The following MIGA1 variants were observed in gnomAD, a reference collection of about 807,000 sequenced individuals.
MIGA1 encodes the protein mitoguardin 1.
A neutral mutation model predicts 82.0 loss-of-function variants in MIGA1; 58 were observed. The observed-to-expected ratio is 0.71, with a 90% CI of 0.57 to 0.88. MIGA1 has a LOEUF of 0.88. MIGA1 is among the 40% of genes least tolerant of loss of function. The probability of loss-of-function intolerance (pLI) is 0.00; values close to 1 mark genes in which losing one functional copy is unlikely to be tolerated. For synonymous variants in MIGA1, 249 were observed against 253.6 expected, an observed-to-expected ratio of 0.98 and a Z score of 0.17; for missense variants, 751 against 749.1, an observed-to-expected ratio of 1.00 and a Z score of -0.03.
intron 7 of MIGA1, among the ~76,000 whole-genome samples, chr1:77,831,830 T>C (rs1307973396): frequency 6.6e-6 from 1 of 152,184 alleles, no homozygotes; most frequent in African/African-American, 2.4e-5. Flanking sequence ...GGAGGATCGC[T>C]TAAGCCCAGG....
In MIGA1 at chr1:77,873,015, A is replaced by AT. The variant is rs1557941725; in HGVS notation, c.1581dup (p.Ala528CysfsTer8). 1 of 1,613,910 alleles carries AT rather than the reference A, an allele frequency of 6.2e-7. No homozygotes were observed. Among genetic ancestry groups the AT allele is most frequent in the Non-Finnish European group, 8.5e-7 (1 of 1,179,996 alleles). On this transcript the variant is annotated frameshift_variant, in exon 15 of 16. Transcript: ENST00000370791. LOFTEE classifies it high-confidence loss of function. Reference sequence around the variant, plus strand: ...TTACTTCCCAGCAGATCCCAGATGGATTTTTTGCCCATTTTTATGCCATTT... The same window carrying AT: ...TTACTTCCCAGCAGATCCCAGATGGATTTTTTTGCCCATTTTTATGCCATTT...
intron 14 of MIGA1, among the ~76,000 whole-genome samples, chr1:77,869,445 A>G (rs1400825168): frequency 1.7e-4 from 25 of 144,104 alleles, no homozygotes; most frequent in South Asian, 7.0e-4. Context: ...CCCATCCCCA[A>G]TGAGCCGCTG....
At chr1:77,782,944 A>G in intron 1 of MIGA1, 7 of 869,558 alleles carry the variant, frequency 8.1e-6, no homozygotes, top group Non-Finnish European at 9.7e-6. Flanking sequence ...AAAAGAGAGA[A>G]TCTAGAACTC....
chr1:77,860,412 C>G (rs1426096269), intron 11 of MIGA1: 27 of 277,490 alleles, frequency 9.7e-5, no homozygotes, highest in Non-Finnish European at 7.3e-5. Context: ...ACTAATGCCT[C>G]CTCTTTTATT....
intron 7 of MIGA1, among the ~76,000 whole-genome samples, chr1:77,839,185 TGA>T (rs1684536713): frequency 6.6e-6 from 1 of 152,082 alleles, no homozygotes; most frequent in Non-Finnish European, 1.5e-5. Flanking sequence ...CAGTGGTGTG[TGA>T]GAGTTTCCAC....
chr1:77,873,185 CTGTTT>C, intron 15 of MIGA1, 65 bp downstream of exon 15: 1 of 1,491,760 alleles, frequency 6.7e-7, no homozygotes. Context: ...CGGTTTTATT[CTGTTT>C]TGTTTTGCTT....
At chr1:77,848,871 C>T in intron 8 of MIGA1, 1 of 861,786 alleles carries the variant, frequency 1.2e-6, no homozygotes, top group Non-Finnish European at 1.7e-6. Flanking sequence ...CTGCATAAAA[C>T]CATAAAGGAG....
chr1:77,866,507 T>A, intron 14 of MIGA1, 116 bp downstream of exon 14: 1 of 938,796 alleles, frequency 1.1e-6, no homozygotes, highest in Non-Finnish European at 1.7e-6. Flanking sequence ...TAGGAGGGAC[T>A]GTCCCTCAGG....
intron 2 of MIGA1, among the ~76,000 whole-genome samples, chr1:77,800,189 A>G (rs979952759): frequency 3.3e-5 from 5 of 152,044 alleles, no homozygotes; most frequent in Admixed American, 2.6e-4. Flanking sequence ...CTCTTTCAGT[A>G]TTTTCTACGA....
intron 7 of MIGA1, among the ~76,000 whole-genome samples, chr1:77,825,629 A>C (rs1684000918): frequency 6.6e-6 from 1 of 152,218 alleles, no homozygotes; most frequent in Admixed American, 6.5e-5. Context: ...GAAGACATGA[A>C]ATAACATTAC....
chr1:77,792,666 A>G (rs928441409), intron 2 of MIGA1, among the ~76,000 whole-genome samples: 3 of 151,996 alleles, frequency 2.0e-5, no homozygotes, highest in African/African-American at 2.4e-5. Flanking sequence ...GCATTTCCCA[A>G]TTGGCTAATG....
chr1:77,863,341 C>G (rs1290872147), intron 12 of MIGA1, among the ~76,000 whole-genome samples: 3 of 152,216 alleles, frequency 2.0e-5, no homozygotes, highest in Admixed American at 6.5e-5. Flanking sequence ...TCCCCTGTTT[C>G]ATTCTCCACA....
chr1:77,808,296 A>G (rs1352009618), intron 5 of MIGA1, among the ~76,000 whole-genome samples: 2 of 152,044 alleles, frequency 1.3e-5, no homozygotes, highest in Non-Finnish European at 2.9e-5. Context: ...GGGATTCTTA[A>G]TTACATCTAG....
At chr1:77,803,211 A>T in intron 3 of MIGA1, 59 bp from the exon 4 acceptor site, 2 of 1,162,702 alleles carry the variant, frequency 1.7e-6, no homozygotes, top group South Asian at 5.5e-5. Context: ...TGAAATTTTT[A>T]CCTGAAATTT....
Position 77,860,104 on chromosome 1 carries a change from C to T in MIGA1, c.1253C>T (p.Ala418Val), listed in dbSNP as rs1431245016. 1 of 1,610,514 alleles carries T rather than the reference C, an allele frequency of 6.2e-7. No homozygotes were observed. The highest frequency in any genetic ancestry group is 1.1e-5 in the South Asian group (1 of 90,260). Residue 418 changes from alanine (A) to valine (V), a missense_variant, in exon 11 of 16, where the codon GCT becomes GTT. By Grantham distance (64) the Ala-to-Val change is moderately conservative. Around this residue, in one of 3 missense-constraint regions of MIGA1, gnomAD observed 265 missense variants for 293.6 expected, o/e 0.90. Transcript: ENST00000370791. ...GAGAGCGGAAGGAAAATTTTATCAGCTTTAATTGTGAAAGCACGAAAGGTA... is the reference window on the plus strand; with the variant it reads ...GAGAGCGGAAGGAAAATTTTATCAGTTTTAATTGTGAAAGCACGAAAGGTA...
In MIGA1 at chr1:77,818,054, C is replaced by G. The variant is rs143704976; in HGVS notation, c.895+2823C>G. Among the ~76,000 whole-genome samples the G allele has an allele frequency of 5.3e-3, 789 of 150,262 alleles. 10 individuals carry two copies. The highest frequency in any genetic ancestry group is 0.019 in the African/African-American group (755 of 40,776). On this transcript the variant is annotated intron_variant, in intron 7 of 15. Coordinates refer to ENST00000370791, the MANE Select transcript of MIGA1 (RefSeq NM_198549.4). ...TACTACAGCCTCTGCCTCCTGGACT[C>G]AAGCCATCCTCTCACCCCACCCTCC... is the stretch of plus-strand genomic sequence containing the variant.
rs1682012180 is a variant in MIGA1, at chr1:77,783,480, A to G, written c.195+129A>G. ...TCAAAATATTTATTACAGTAGTTAA[A>G]AAACCTACTTGGTTATTTCACGGGT... is the stretch of plus-strand genomic sequence containing the variant. On this transcript the variant is annotated intron_variant, in intron 2 of 15. Coordinates refer to ENST00000370791, the MANE Select transcript of MIGA1 (RefSeq NM_198549.4). 6.5e-6 allele frequency: 3 copies of G among 463,428 alleles called. No homozygotes were observed. In the East Asian group the frequency reaches 1.1e-4, roughly 16 times the overall value. The allele number at this position is 463,428 out of a possible 1,614,324, so 28.7% of individuals were successfully genotyped here. A position where few individuals can be genotyped will look rare whatever the true frequency, so the allele number is the denominator to read the frequency against.
At position 77,860,025 on chromosome 1, in the gene MIGA1, T is replaced by C. The variant is rs765924554; in HGVS notation, c.1189-15T>C. On this transcript the variant is annotated splice_polypyrimidine_tract_variant and intron_variant, in intron 10 of 15. Coordinates refer to ENST00000370791, the MANE Select transcript of MIGA1 (RefSeq NM_198549.4). Reference sequence around the variant, plus strand: ...TATAGGTCTCTTTTTTCTTTGGGGATGAATATTTTTTCAGGTAATTCTTTC... The same window carrying C: ...TATAGGTCTCTTTTTTCTTTGGGGACGAATATTTTTTCAGGTAATTCTTTC... 6.9e-5 allele frequency: 108 copies of C among 1,564,258 alleles called. No individual in the cohort carries two copies. The highest frequency in any genetic ancestry group is 9.1e-5 in the Non-Finnish European group (104 of 1,140,618).
chr1:77,783,255 G>A lies in MIGA1; in HGVS notation c.99G>A (p.Met33Ile). ...TAATGAAGATTAGAAGAGGAGCCAT[G>A]TCAGAAGAAACAGTAAGTGAATCAC... is the stretch of plus-strand genomic sequence containing the variant. Residue 33 changes from methionine (M) to isoleucine (I), a missense_variant, in exon 2 of 16, where the codon ATG becomes ATA. Met to Ile is a conservative substitution (Grantham distance 10). Coordinates refer to ENST00000370791, the MANE Select transcript of MIGA1 (RefSeq NM_198549.4). 2 of 1,591,828 alleles carry A rather than the reference G, an allele frequency of 1.3e-6. No homozygotes were observed. The highest frequency in any genetic ancestry group is 2.3e-5 in the South Asian group (2 of 87,646).
Sources: gnomAD v4.1 joint callset for allele counts (sites outside exome capture counted in the v4.1 genomes callset) on GRCh38, gnomAD v4.1.1 for gene constraint, gnomAD v4.1.1 regional missense constraint, MANE v1.5 for transcripts, NCBI Gene and HGNC (gene_info 2026-07-23, HGNC 2026-07-21) for gene names.